The following SDK1 variants were observed in gnomAD, a reference collection of about 807,000 sequenced individuals.
SDK1 encodes protein sidekick-1.
In SDK1, 157 loss-of-function variants were observed where a neutral mutation model predicts 245.5. The ratio of observed to expected loss-of-function variants is 0.64; its 90% CI spans 0.56 to 0.73. The LOEUF is 0.73. Among genes scored for constraint, SDK1 ranks in the 30% least tolerant of loss-of-function variants. The pLI, the probability that SDK1 is intolerant of heterozygous loss-of-function variation, is 0.00. For missense variants in SDK1, 3,583 were observed against 3,002.3 expected, an observed-to-expected ratio of 1.19 and a Z score of -4.52; for synonymous variants, 1,647 against 1,278.5, an observed-to-expected ratio of 1.29 and a Z score of -6.15.
At chr7:3,551,307 C>G (rs890804987) in intron 1 of SDK1, among the ~76,000 whole-genome samples, 1 of 152,072 alleles carries the variant, frequency 6.6e-6, no homozygotes, top group African/African-American at 2.4e-5. Flanking sequence ...CATCTGGGTA[C>G]TATTTTTTGA....
intron 1 of SDK1, among the ~76,000 whole-genome samples, chr7:3,606,007 A>C (rs775925978): frequency 1.1e-4 from 17 of 152,088 alleles, no homozygotes; most frequent in Non-Finnish European, 1.8e-4. Flanking sequence ...TTAATTTTGC[A>C]TTTTTGTGAA....
Position 4,266,056 on chromosome 7 carries a change from C to A in SDK1, c.*672C>A. The A allele has an allele frequency of 1.0e-6, 1 of 985,482 alleles. No individual in the cohort carries two copies. The highest frequency in any genetic ancestry group is 1.7e-5 in the African/African-American group (1 of 57,364). 61.0% of individuals were successfully genotyped at this position (985,482 alleles called of 1,614,324 possible). Reference sequence around the variant, plus strand: ...TCACTGCAGTGGTGCGGTCCTCAGGCTTTTCTGCCTGTCTTTCCCCCTTCC... The same window carrying A: ...TCACTGCAGTGGTGCGGTCCTCAGGATTTTCTGCCTGTCTTTCCCCCTTCC... On this transcript the variant is annotated 3_prime_UTR_variant, in exon 45 of 45. Coordinates refer to ENST00000404826, the MANE Select transcript of SDK1 (RefSeq NM_152744.4).
chr7:4,193,372 T>TTTTATATA (rs1206363548), intron 35 of SDK1, among the ~76,000 whole-genome samples: 1 of 103,086 alleles, frequency 9.7e-6, no homozygotes, highest in African/African-American at 3.9e-5. Flanking sequence ...ATTAAAATAT[T>TTTTATATA]TATATATATA....
intron 1 of SDK1, among the ~76,000 whole-genome samples, chr7:3,331,337 G>T (rs1200466945): frequency 1.3e-5 from 2 of 152,146 alleles, no homozygotes; most frequent in Non-Finnish European, 2.9e-5. Flanking sequence ...ACAAGTGCAT[G>T]ATCCTAATAA....
At chr7:3,928,793 T>A (rs1026058894) in intron 5 of SDK1, among the ~76,000 whole-genome samples, 3 of 152,194 alleles carry the variant, frequency 2.0e-5, no homozygotes, top group African/African-American at 7.2e-5. Flanking sequence ...AGGTAGAGGG[T>A]GTTACCCCGC....
At chr7:3,759,941 C>T (rs746026634) in intron 4 of SDK1, among the ~76,000 whole-genome samples, 1 of 152,066 alleles carries the variant, frequency 6.6e-6, no homozygotes, top group East Asian at 1.9e-4. Flanking sequence ...TTACAATTTG[C>T]TGTGCTATAT....
At chr7:4,244,905 A>T (rs1786752750) in intron 43 of SDK1, among the ~76,000 whole-genome samples, 1 of 152,144 alleles carries the variant, frequency 6.6e-6, no homozygotes, top group African/African-American at 2.4e-5. Flanking sequence ...GGTCCTCTCC[A>T]GGGGCTGTTC....
At chr7:3,730,178 A>G (rs1480590836) in intron 4 of SDK1, among the ~76,000 whole-genome samples, 2 of 152,116 alleles carry the variant, frequency 1.3e-5, no homozygotes, top group East Asian at 1.9e-4. Context: ...CTTGGAGAAC[A>G]CTCACATCTG....
chr7:3,309,532 T>TTTTTTTA (rs1447435405), intron 1 of SDK1, among the ~76,000 whole-genome samples: 1 of 149,638 alleles, frequency 6.7e-6, no homozygotes, highest in Admixed American at 6.7e-5. Context: ...AGATTTTTTT[T>TTTTTTTA]TTTTTTTTTT....
rs1562499686 is a variant in SDK1 at position 4,268,020 on chromosome 7, A to C, written c.*2636A>C. On this transcript the variant is annotated 3_prime_UTR_variant, in exon 45 of 45. Transcript: ENST00000404826. ...GGGAAGGAAAAGAAAATCACAGCCT[A>C]GGAAGATGGAGGTTGGATTTTAATC... The C allele has an allele frequency of 4.1e-6, 4 of 985,366 alleles. No individual in the cohort carries two copies. The highest frequency in any genetic ancestry group is 4.8e-6 in the Non-Finnish European group (4 of 829,934). 61.0% of individuals were successfully genotyped at this position (985,366 alleles called of 1,614,324 possible).
intron 4 of SDK1, among the ~76,000 whole-genome samples, chr7:3,807,403 G>A (rs570734811): frequency 3.0e-4 from 45 of 152,254 alleles, no homozygotes; most frequent in Admixed American, 1.0e-3. Flanking sequence ...TCGCGCTCCC[G>A]GTAGATGGTA....
chr7:3,704,098 G>A lies in SDK1; in HGVS notation c.713+61993G>A, dbSNP rs182944040. Among the ~76,000 whole-genome samples the A allele has an allele frequency of 7.8e-4, 118 of 152,076 alleles. 1 individual carries two copies. The highest frequency in any genetic ancestry group is 2.8e-3 in the African/African-American group (116 of 41,486). On this transcript the variant is annotated intron_variant, in intron 4 of 44. Transcript: ENST00000404826. The stretch of plus-strand genomic sequence containing the variant: ...ATTATATTGCACTGTATGCCTTTGC[G>A]TATCCACAGCTTTGCTTCCACTTAT...
intron 1 of SDK1, among the ~76,000 whole-genome samples, chr7:3,434,551 T>C (rs1031428200): frequency 6.6e-6 from 1 of 152,228 alleles, no homozygotes; most frequent in Non-Finnish European, 1.5e-5. Context: ...CCTTAAGTAT[T>C]ATCTCCATTT....
chr7:3,669,935 C>T (rs1285406862), intron 4 of SDK1, among the ~76,000 whole-genome samples: 1 of 152,196 alleles, frequency 6.6e-6, no homozygotes, highest in African/African-American at 2.4e-5. Context: ...CACTGCCATC[C>T]AACAGTTGCC....
intron 5 of SDK1, among the ~76,000 whole-genome samples, chr7:3,947,698 A>G (rs904160648): frequency 5.3e-5 from 8 of 151,398 alleles, no homozygotes; most frequent in Non-Finnish European, 7.4e-5. Context: ...ACACATATAT[A>G]TTTATATATA....
chr7:3,956,041 C>T lies in SDK1; in HGVS notation c.1151-2890C>T, dbSNP rs566571974. ...TCACACAGGGCATGAGAACCTTTCC[C>T]TGATGTCTTCATATTGTTTCAAAAG... On this transcript the variant is annotated intron_variant, in intron 7 of 44. Coordinates refer to ENST00000404826, the MANE Select transcript of SDK1 (RefSeq NM_152744.4). Among the ~76,000 whole-genome samples the T allele has an allele frequency of 2.6e-5, 4 of 152,314 alleles. No individual in the cohort carries two copies. The South Asian group carries it at 8.3e-4, about 32-fold the overall frequency.
intron 4 of SDK1, among the ~76,000 whole-genome samples, chr7:3,704,841 C>G (rs1159695905): frequency 6.6e-6 from 1 of 152,064 alleles, no homozygotes; most frequent in South Asian, 2.1e-4. Context: ...TTAAGTCTTT[C>G]ACCATCTTGA....
intron 1 of SDK1, among the ~76,000 whole-genome samples, chr7:3,514,507 C>T (rs535221227): frequency 2.0e-4 from 31 of 152,282 alleles, no homozygotes; most frequent in African/African-American, 7.2e-4. Flanking sequence ...GGCGGTCCCA[C>T]AGCCATTAGG....
chr7:3,399,935 G>A (rs1232813219), intron 1 of SDK1, among the ~76,000 whole-genome samples: 4 of 152,104 alleles, frequency 2.6e-5, no homozygotes, highest in African/African-American at 9.7e-5. Flanking sequence ...TTAATCAATT[G>A]CAGCTGATTG....
Sources: gnomAD v4.1 joint callset for allele counts (sites outside exome capture counted in the v4.1 genomes callset) on GRCh38, gnomAD v4.1.1 for gene constraint, MANE v1.5 for transcripts, NCBI Gene and HGNC (gene_info 2026-07-23, HGNC 2026-07-21) for gene names.